HACD3: variants seen among roughly 807,000 people sequenced by gnomAD.
HACD3 encodes the protein 3-hydroxyacyl-CoA dehydratase 3.
In HACD3, 30 loss-of-function variants were observed where a neutral mutation model predicts 55.2. The observed-to-expected ratio is 0.54, with a 90% CI of 0.41 to 0.74. The LOEUF is 0.74. HACD3 is among the 30% of genes least tolerant of loss of function. The pLI is 0.00. For missense variants in HACD3, 363 were observed against 440.1 expected, an observed-to-expected ratio of 0.82 and a Z score of 1.57; for synonymous variants, 141 against 151.7, an observed-to-expected ratio of 0.93 and a Z score of 0.52.
At chr15:65,536,315 A>G (rs240749) in intron 1 of HACD3, among the ~76,000 whole-genome samples, 151,417 of 152,318 alleles carry the variant, frequency 0.99, 75,267 homozygotes, top group Middle Eastern at 1. Context: ...TGATTGTTTT[A>G]TGGCAAAATG....
At chr15:65,544,177 A>G (rs1273136558) in intron 1 of HACD3, among the ~76,000 whole-genome samples, 1 of 151,918 alleles carries the variant, frequency 6.6e-6, no homozygotes, top group Non-Finnish European at 1.5e-5. Flanking sequence ...ACTCCATCTC[A>G]AAAAAAAGAA....
intron 1 of HACD3, among the ~76,000 whole-genome samples, chr15:65,540,732 G>A (rs2072012119): frequency 6.6e-6 from 1 of 152,212 alleles, no homozygotes; most frequent in East Asian, 1.9e-4. Flanking sequence ...AGAGCAATGG[G>A]AAACTATTAA....
At position 65,539,260 on chromosome 15, in the gene HACD3, C is replaced by T. The variant is rs572015982; in HGVS notation, c.87+8542C>T. ...TTTGAGATGGAGTCTCACCGTGTCA[C>T]CCCAGGCTGGATTGCAATGGCTCAA... On this transcript the variant is annotated intron_variant, in intron 1 of 10. Transcript: ENST00000261875. Among the ~76,000 whole-genome samples, 11 of 139,916 alleles carry T rather than the reference C, an allele frequency of 7.9e-5. No individual in the cohort carries two copies. In the South Asian group the frequency reaches 2.5e-3, roughly 32 times the overall value. The allele number at this position is 139,916 out of a possible 152,430, so 91.8% of individuals were successfully genotyped here.
intron 7 of HACD3, among the ~76,000 whole-genome samples, chr15:65,569,412 A>G (rs2072327050): frequency 6.6e-6 from 1 of 152,154 alleles, no homozygotes; most frequent in Non-Finnish European, 1.5e-5. Context: ...GCAGTAATTC[A>G]TAAAGAAAAG....
At chr15:65,560,847 T>C (rs746182351) in intron 5 of HACD3, among the ~76,000 whole-genome samples, 2 of 151,414 alleles carry the variant, frequency 1.3e-5, no homozygotes, top group Non-Finnish European at 1.5e-5. Context: ...GCTTTATCCA[T>C]GTAGACTAGC....
At chr15:65,538,225 G>A (rs1224641801) in intron 1 of HACD3, among the ~76,000 whole-genome samples, 1 of 151,844 alleles carries the variant, frequency 6.6e-6, no homozygotes, top group Non-Finnish European at 1.5e-5. Flanking sequence ...GATGGATCTG[G>A]GCAAAGTCAA....
chr15:65,556,777 A>G lies in HACD3; in HGVS notation c.243A>G (p.Thr81=). ...YKLTQRQVNI[T]VQKKVSQWWE... is the part of the protein sequence containing the mutation. ...TGACCCAGAGGCAGGTAAACATTAC[A>G]GTACAGAAGAAAGTGAGTCAGTGGT... The change falls in exon 4 of 11, where the codon ACA becomes ACG. Residue 81 remains threonine (T), a synonymous_variant. Coordinates refer to ENST00000261875, the MANE Select transcript of HACD3 (RefSeq NM_016395.4). 1 of 1,611,820 alleles carries G rather than the reference A, an allele frequency of 6.2e-7. No individual in the cohort carries two copies.
intron 10 of HACD3, among the ~76,000 whole-genome samples, chr15:65,573,476 C>T (rs772854323): frequency 1.3e-5 from 2 of 151,940 alleles, no homozygotes; most frequent in Non-Finnish European, 2.9e-5. Context: ...GGCTTGGTGG[C>T]GCATGCCTGT....
intron 3 of HACD3, among the ~76,000 whole-genome samples, chr15:65,555,628 A>G (rs769420276): frequency 1.6e-4 from 24 of 152,214 alleles, no homozygotes; most frequent in Non-Finnish European, 2.6e-4. Context: ...CCAGTGGTAC[A>G]GTGGGCAGAG....
intron 7 of HACD3, chr15:65,564,602 A>T: frequency 2.6e-6 from 1 of 388,756 alleles, no homozygotes; most frequent in Non-Finnish European, 4.6e-6. Flanking sequence ...CTCCTGATAA[A>T]CCCATCAGAT....
intron 1 of HACD3, among the ~76,000 whole-genome samples, chr15:65,548,530 AAG>A (rs1295955186): frequency 6.7e-6 from 1 of 149,516 alleles, no homozygotes; most frequent in African/African-American, 2.5e-5. Context: ...AAAAAAAAAA[AAG>A]ATGATTAAGA....
chr15:65,560,423 A>G (rs1253009680), intron 5 of HACD3, among the ~76,000 whole-genome samples: 1 of 152,164 alleles, frequency 6.6e-6, no homozygotes, highest in Non-Finnish European at 1.5e-5. Context: ...GGCTGCAGAT[A>G]AAATTAATGT....
At chr15:65,546,529 A>G (rs2072078812) in intron 1 of HACD3, among the ~76,000 whole-genome samples, 1 of 152,194 alleles carries the variant, frequency 6.6e-6, no homozygotes, top group African/African-American at 2.4e-5. Context: ...CCACCCTAAA[A>G]AAACCAAATA....
Position 65,530,509 on chromosome 15 carries a change from C to T in HACD3, c.-123C>T, listed in dbSNP as rs955502199. 3 of 821,088 alleles carry T rather than the reference C, an allele frequency of 3.7e-6. No homozygotes were observed. Among genetic ancestry groups the T allele is most frequent in the East Asian group, 6.7e-5 (2 of 29,706 alleles). The allele number at this position is 821,088 out of a possible 1,614,324, so 50.9% of individuals were successfully genotyped here. On this transcript the variant is annotated 5_prime_UTR_variant, in exon 1 of 11. Coordinates refer to ENST00000261875, the MANE Select transcript of HACD3 (RefSeq NM_016395.4). ...GCGAGCGTGGGGTATCTCGAGGTGC[C>T]GGGTTGCAGGCGCTCAGGAGCGCTA...
chr15:65,530,621 G>C lies in HACD3; in HGVS notation c.-11G>C. 5 of 1,568,640 alleles carry C rather than the reference G, an allele frequency of 3.2e-6. No homozygotes were observed. Among genetic ancestry groups the C allele is most frequent in the Admixed American group, 1.9e-5 (1 of 53,480 alleles). On this transcript the variant is annotated 5_prime_UTR_variant, in exon 1 of 11. Coordinates refer to ENST00000261875, the MANE Select transcript of HACD3 (RefSeq NM_016395.4). The stretch of plus-strand genomic sequence containing the variant: ...CGAGCCTAGCCTCCCCGCGCCCTGG[G>C]CAGTGTGGCCATGGAGAATCAGGTG...
chr15:65,560,900 A>T (rs1213179128), intron 5 of HACD3, among the ~76,000 whole-genome samples: 1 of 151,768 alleles, frequency 6.6e-6, no homozygotes. Context: ...TTTCACCTTG[A>T]AAGTTTCACA....
At chr15:65,544,647 A>C (rs1203765730) in intron 1 of HACD3, among the ~76,000 whole-genome samples, 3 of 152,202 alleles carry the variant, frequency 2.0e-5, no homozygotes, top group African/African-American at 7.2e-5. Context: ...TCAATTAAAA[A>C]AAGGGAGAGG....
At chr15:65,536,712 C>T (rs2141203163) in intron 1 of HACD3, among the ~76,000 whole-genome samples, 1 of 152,290 alleles carries the variant, frequency 6.6e-6, no homozygotes, top group South Asian at 2.1e-4. Context: ...GCTGAGATCA[C>T]GCCACCGCAC....
In HACD3 at chr15:65,533,807, T is replaced by C. The variant is rs1224025410; in HGVS notation, c.87+3089T>C. 2.0e-5 allele frequency among the ~76,000 whole-genome samples: 3 copies of C among 149,544 alleles called. No homozygotes were observed. The East Asian group carries it at 5.9e-4, about 29-fold the overall frequency. On this transcript the variant is annotated intron_variant, in intron 1 of 10. Transcript: ENST00000261875. ...TGGCTCATGCCTGTAATCCCAGCAC[T>C]ATGGGAGGCCGAGACGGGCGGATCA...
Sources: gnomAD v4.1 joint callset for allele counts (sites outside exome capture counted in the v4.1 genomes callset) on GRCh38, gnomAD v4.1.1 for gene constraint, MANE v1.5 for transcripts, NCBI Gene and HGNC (gene_info 2026-07-23, HGNC 2026-07-21) for gene names.